Variants in EPHB2 observed in about 807,000 individuals in gnomAD.
EPHB2 encodes EPH receptor B2.
Under a neutral mutation model 96.4 loss-of-function variants are expected in EPHB2, and 18 were observed. That is an observed-to-expected ratio of 0.19 (90% CI 0.13 to 0.28). EPHB2 has a LOEUF of 0.28. EPHB2 is among the 10% of genes least tolerant of loss of function. The pLI is 1.00. For missense variants in EPHB2, 989 were observed against 1,355.4 expected, an observed-to-expected ratio of 0.73 and a Z score of 4.25; for synonymous variants, 506 against 534.1, an observed-to-expected ratio of 0.95 and a Z score of 0.72.
intron 1 of EPHB2, among the ~76,000 whole-genome samples, chr1:22,741,678 G>GAAAAAAAAAAAA (rs1643903931): frequency 2.8e-5 from 1 of 35,282 alleles, no homozygotes; most frequent in Non-Finnish European, 9.3e-5. Context: ...TTTCTTCCCA[G>GAAAAAAAAAAAA]CAAAAAAAAA....
chr1:22,839,973 C>T (rs572333847), intron 3 of EPHB2, among the ~76,000 whole-genome samples: 1 of 152,286 alleles, frequency 6.6e-6, no homozygotes, highest in South Asian at 2.1e-4. Context: ...AGGGCAGGGA[C>T]TGGATCTCAT....
chr1:22,841,721 G>A (rs1645472066), intron 3 of EPHB2, among the ~76,000 whole-genome samples: 1 of 152,210 alleles, frequency 6.6e-6, no homozygotes, highest in Admixed American at 6.5e-5. Flanking sequence ...GGCGAGATGT[G>A]AATGGCAGCC....
chr1:22,879,786 G>C (rs879721911), intron 5 of EPHB2, among the ~76,000 whole-genome samples: 5 of 152,244 alleles, frequency 3.3e-5, no homozygotes, highest in Non-Finnish European at 2.9e-5. Context: ...CAACATGCCA[G>C]GTGCTACACT....
At chr1:22,766,342 A>G (rs1227911507) in intron 1 of EPHB2, among the ~76,000 whole-genome samples, 1 of 152,208 alleles carries the variant, frequency 6.6e-6, no homozygotes, top group Non-Finnish European at 1.5e-5. Flanking sequence ...GTAGGTACTC[A>G]ATAGCTGGAA....
chr1:22,819,250 T>TCTCTCTCTCTCTC (rs1645118734), intron 3 of EPHB2, among the ~76,000 whole-genome samples: 37 of 145,574 alleles, frequency 2.5e-4, no homozygotes, highest in East Asian at 4.1e-4. Flanking sequence ...TCTCTCTCTC[T>TCTCTCTCTCTCTC]GCTGGTCTTT....
rs917799495 is a variant in EPHB2 at position 22,906,555 on chromosome 1, G to T, written c.1889-155G>T. Among the ~76,000 whole-genome samples, 13 of 152,176 alleles carry T rather than the reference G, an allele frequency of 8.5e-5. No individual in the cohort carries two copies. The highest frequency in any genetic ancestry group is 8.8e-5 in the Non-Finnish European group (6 of 68,026). ...GTGACTGGAACTTTTCTGGACCCCT[G>T]ACATTCTTGAAGGGGTTCTGTGTCT... On this transcript the variant is annotated intron_variant, in intron 10 of 15. Coordinates refer to ENST00000374630, the MANE Select transcript of EPHB2 (RefSeq NM_017449.5). This position sits in a 1 kb window ranked among gnomAD's most constrained non-coding sequence, Gnocchi z 4.8.
chr1:22,792,599 A>G (rs1407032431), intron 3 of EPHB2, among the ~76,000 whole-genome samples: 2 of 152,006 alleles, frequency 1.3e-5, no homozygotes, highest in African/African-American at 4.8e-5. Context: ...CCATCCATCC[A>G]TCTGTCCATG....
Position 22,759,241 on chromosome 1 carries a change from C to G in EPHB2, c.62-22180C>G, listed in dbSNP as rs535456217. 2.6e-5 allele frequency among the ~76,000 whole-genome samples: 4 copies of G among 152,168 alleles called. No homozygotes were observed. In the South Asian group the frequency reaches 8.3e-4, roughly 32 times the overall value. On this transcript the variant is annotated intron_variant, in intron 1 of 15. Coordinates refer to ENST00000374630, the MANE Select transcript of EPHB2 (RefSeq NM_017449.5). ...AATCACCAAGGGCTTTGAGCAAAACCCTTGGCCTCACTGAACCCTAGTTAT... is the reference window on the plus strand; with the variant it reads ...AATCACCAAGGGCTTTGAGCAAAACGCTTGGCCTCACTGAACCCTAGTTAT...
intron 6 of EPHB2, among the ~76,000 whole-genome samples, chr1:22,885,045 C>T (rs536841622): frequency 3.2e-4 from 49 of 152,248 alleles, no homozygotes; most frequent in African/African-American, 1.2e-3. Flanking sequence ...GAAGTGGACA[C>T]ACGAGGGCCT....
intron 4 of EPHB2, 144 bp downstream of exon 4, chr1:22,863,336 G>A: frequency 2.2e-6 from 3 of 1,355,098 alleles, no homozygotes; most frequent in Non-Finnish European, 3.0e-6. Context: ...CTCAAGAAAG[G>A]GGCATCCTGG....
At position 22,910,487 on chromosome 1, in the gene EPHB2, C is replaced by G; in HGVS notation, c.2608C>G (p.Arg870Gly). The change falls in exon 14 of 16, where the codon CGG becomes GGG. Residue 870 changes from arginine (R) to glycine (G), a missense_variant. Coordinates refer to ENST00000374630, the MANE Select transcript of EPHB2 (RefSeq NM_017449.5). The stretch of plus-strand genomic sequence containing the variant: ...CTGTTGGCAGAAGGACCGCAACCAC[C>G]GGCCCAAGTTCGGCCAAATTGTCAA... ...LDCWQKDRNH[R>G]PKFGQIVNTL... 1 of 1,612,856 alleles carries G rather than the reference C, an allele frequency of 6.2e-7. No homozygotes were observed. Among genetic ancestry groups the G allele is most frequent in the Non-Finnish European group, 8.5e-7 (1 of 1,180,020 alleles).
intron 1 of EPHB2, among the ~76,000 whole-genome samples, chr1:22,719,958 G>C (rs757528810): frequency 6.6e-6 from 1 of 152,164 alleles, no homozygotes; most frequent in Non-Finnish European, 1.5e-5. Flanking sequence ...TCTGTTCCCC[G>C]GGTTGTCAGT....
intron 3 of EPHB2, among the ~76,000 whole-genome samples, chr1:22,816,126 C>T (rs759991407): frequency 2.6e-5 from 4 of 152,190 alleles, no homozygotes; most frequent in Non-Finnish European, 4.4e-5. Context: ...TCATCTCAGG[C>T]ATCTGTCGGA....
At chr1:22,820,290 C>T (rs1440852391) in intron 3 of EPHB2, among the ~76,000 whole-genome samples, 1 of 152,176 alleles carries the variant, frequency 6.6e-6, no homozygotes, top group African/African-American at 2.4e-5. Context: ...AGCCAGAGAG[C>T]AACAGGAGTG....
intron 3 of EPHB2, among the ~76,000 whole-genome samples, chr1:22,820,566 G>A (rs1645139190): frequency 6.6e-6 from 1 of 152,146 alleles, no homozygotes; most frequent in African/African-American, 2.4e-5. Flanking sequence ...AGGAGGCTGA[G>A]GTGGGAGGAT....
intron 3 of EPHB2, among the ~76,000 whole-genome samples, chr1:22,810,746 C>T (rs1644991550): frequency 6.6e-6 from 1 of 152,186 alleles, no homozygotes; most frequent in African/African-American, 2.4e-5. Flanking sequence ...TCCCATCCCA[C>T]TCCCATCCAG....
chr1:22,746,505 TGA>T (rs1449294662), intron 1 of EPHB2, among the ~76,000 whole-genome samples: 1 of 152,214 alleles, frequency 6.6e-6, no homozygotes, highest in Non-Finnish European at 1.5e-5. Context: ...GGCTCCTCCT[TGA>T]GCCCCACCCT....
intron 3 of EPHB2, among the ~76,000 whole-genome samples, chr1:22,840,863 A>G (rs1394183382): frequency 6.6e-6 from 1 of 152,146 alleles, no homozygotes; most frequent in Non-Finnish European, 1.5e-5. Flanking sequence ...AATCCCCACA[A>G]CAACCCCCTG....
chr1:22,724,877 A>T (rs1038855103), intron 1 of EPHB2, among the ~76,000 whole-genome samples: 1 of 152,112 alleles, frequency 6.6e-6, no homozygotes, highest in Non-Finnish European at 1.5e-5. Context: ...CCTAGAATCC[A>T]CCATACTGTT....
Sources: allele counts gnomAD v4.1 joint callset (sites outside exome capture counted in the v4.1 genomes callset), GRCh38; gene constraint gnomAD v4.1.1; non-coding constraint Gnocchi (gnomAD v3.1); transcripts MANE v1.5; gene names NCBI Gene and HGNC (gene_info 2026-07-23, HGNC 2026-07-21).